The following SHROOM4 variants were observed in gnomAD, a reference collection of about 807,000 sequenced individuals.
The protein encoded by SHROOM4 is protein Shroom4.
SHROOM4 carries 17 observed loss-of-function variants against 80.3 expected under a neutral mutation model. The ratio of observed to expected loss-of-function variants is 0.21; its 90% CI spans 0.14 to 0.32. SHROOM4 has a LOEUF of 0.32. Among genes scored for constraint, SHROOM4 ranks in the 10% least tolerant of loss-of-function variants. SHROOM4 has a pLI of 1.00. For missense variants in SHROOM4, 993 were observed against 1,140.3 expected (o/e 0.87, Z 1.86); for synonymous variants, 400 against 437.5 (o/e 0.91, Z 1.07).
chrX:50,634,481 C>A lies in SHROOM4; in HGVS notation c.1592G>T (p.Gly531Val). ...ELANQQPSAS[G>V]SLVQQATDCS... is the part of the protein sequence containing the mutation. ...GTCCGTGGCTTGTTGAACAAGGGAGCCAGAGGCAGAGGGTTGCTGGTTGGC... is the reference window on the plus strand; with the variant it reads ...GTCCGTGGCTTGTTGAACAAGGGAGACAGAGGCAGAGGGTTGCTGGTTGGC... The change falls in exon 4 of 9, where the codon GGC becomes GTC. Residue 531 changes from glycine to valine, a missense_variant. Transcript: ENST00000376020. 8.3e-7 allele frequency: 1 copy of A among 1,211,514 alleles called. No individual in the cohort carries two copies. The highest frequency in any genetic ancestry group is 1.1e-6 in the Non-Finnish European group (1 of 895,495).
In SHROOM4 at chrX:50,608,002, G is replaced by C. The variant is rs781946911; in HGVS notation, c.3140C>G (p.Ala1047Gly). The C allele has an allele frequency of 4.1e-6, 5 of 1,210,187 alleles. 1 individual carries two copies. The highest frequency in any genetic ancestry group is 4.5e-6 in the Non-Finnish European group (4 of 895,334). Reference protein sequence around the residue: ...TSVYEEGSSLASMPHPLRSRA... With the variant: ...TSVYEEGSSLGSMPHPLRSRA... ...GCTGCGCAGTGGGTGGGGCATGGAGGCAAGGGAGCTCCCCTCCTCATAAAC... is the reference window on the plus strand; with the variant it reads ...GCTGCGCAGTGGGTGGGGCATGGAGCCAAGGGAGCTCCCCTCCTCATAAAC... The change falls in exon 6 of 9, where the codon GCC becomes GGC. Residue 1047 changes from alanine to glycine, a missense_variant. Ala to Gly is a moderately conservative substitution (Grantham distance 60, BLOSUM62 0). Coordinates refer to ENST00000376020, the MANE Select transcript of SHROOM4 (RefSeq NM_020717.5).
At chrX:50,804,777 G>A (rs1377418861) in intron 1 of SHROOM4, among the ~76,000 whole-genome samples, 3 of 111,834 alleles carry the variant, frequency 2.7e-5, no homozygotes, top group Non-Finnish European at 5.6e-5. Flanking sequence ...CTACCTCTCC[G>A]ATCCCACCAT....
Position 50,814,076 on chromosome X carries a change from GC to G in SHROOM4, c.-59del, listed in dbSNP as rs782278599. The G allele has an allele frequency of 5.0e-5, 40 of 797,853 alleles. No homozygotes were observed. In the African/African-American group the frequency reaches 6.7e-4, roughly 13 times the overall value. 65.8% of individuals were successfully genotyped at this position (797,853 alleles called of 1,213,427 possible). ...TTTCCGAGGGGGCTACGTTGCCTCC[GC>G]CCCCAGCAGCTCCGCCACCATCGCC... is the stretch of plus-strand genomic sequence containing the variant. On this transcript the variant is annotated 5_prime_UTR_variant, in exon 1 of 9. An upstream open reading frame in the 5' UTR loses its in-frame stop. Coordinates refer to ENST00000376020, the MANE Select transcript of SHROOM4 (RefSeq NM_020717.5).
chrX:50,685,008 C>T (rs1283234326), intron 2 of SHROOM4, among the ~76,000 whole-genome samples: 1 of 111,785 alleles, frequency 8.9e-6, no homozygotes, highest in Non-Finnish European at 1.9e-5. Flanking sequence ...GACCTCATAA[C>T]TCATGAGATT....
At chrX:50,684,078 G>T (rs1933001948) in intron 2 of SHROOM4, among the ~76,000 whole-genome samples, 1 of 112,228 alleles carries the variant, frequency 8.9e-6, no homozygotes, top group African/African-American at 3.2e-5. Flanking sequence ...AAGTTGTACT[G>T]AGTTGAATGG....
chrX:50,687,151 A>C (rs1399503356), intron 2 of SHROOM4: 1 of 111,381 alleles, frequency 9.0e-6, no homozygotes, highest in Non-Finnish European at 1.9e-5. Context: ...TTTTTGGAGA[A>C]TGCTTTATAC....
chrX:50,632,642 T>G (rs1931119977), intron 4 of SHROOM4, among the ~76,000 whole-genome samples: 1 of 112,262 alleles, frequency 8.9e-6, no homozygotes. Context: ...TGGGGATATT[T>G]GCAAGTTTTG....
chrX:50,637,104 G>A (rs1557256261), intron 3 of SHROOM4, among the ~76,000 whole-genome samples: 1 of 111,714 alleles, frequency 9.0e-6, no homozygotes, highest in African/African-American at 3.3e-5. Context: ...AAGACCAAGG[G>A]AAGGGCTAGG....
intron 7 of SHROOM4, among the ~76,000 whole-genome samples, 174 bp from the exon 8 acceptor site, chrX:50,598,709 C>T (rs1462472551): frequency 2.7e-5 from 3 of 112,171 alleles, no homozygotes; most frequent in Non-Finnish European, 5.6e-5. Context: ...TTTGGGCAAG[C>T]ACCTTCTATC....
chrX:50,762,298 C>T lies in SHROOM4; in HGVS notation c.117+51604G>A, dbSNP rs182303327. On this transcript the variant is annotated intron_variant, in intron 1 of 8. Transcript: ENST00000376020. ...TACCTGATGTCATTGTCTTGCTCCA[C>T]TGCAACTTCCTTCCCTTCAGCCTAC... Among the ~76,000 whole-genome samples, 30 of 112,295 alleles carry T rather than the reference C, an allele frequency of 2.7e-4. No individual in the cohort carries two copies. The Admixed American group carries it at 2.8e-3, about 11-fold the overall frequency.
intron 1 of SHROOM4, among the ~76,000 whole-genome samples, chrX:50,727,004 C>T (rs782536704): frequency 1.2e-4 from 14 of 113,083 alleles, no homozygotes; most frequent in Non-Finnish European, 2.1e-4. Flanking sequence ...GGGGCTGTAC[C>T]CTACAGAGCC....
At chrX:50,633,118 G>A (rs1931137817) in intron 4 of SHROOM4, 60 bp downstream of exon 4, 15 of 1,003,338 alleles carry the variant, frequency 1.5e-5, no homozygotes, top group Middle Eastern at 2.7e-4. Flanking sequence ...AATAATTTAC[G>A]TAGCTTTCCC....
At chrX:50,804,203 A>G (rs1350590866) in intron 1 of SHROOM4, among the ~76,000 whole-genome samples, 2 of 111,695 alleles carry the variant, frequency 1.8e-5, no homozygotes, top group Non-Finnish European at 3.8e-5. Flanking sequence ...CTACTGGACA[A>G]CAGCGCAGGT....
rs1279504283 is a variant in SHROOM4, at chrX:50,723,901, T to C, written c.118-27964A>G. Among the ~76,000 whole-genome samples, 3 of 110,879 alleles carry C rather than the reference T, an allele frequency of 2.7e-5. No individual in the cohort carries two copies. In the East Asian group the frequency reaches 8.5e-4, roughly 32 times the overall value. On this transcript the variant is annotated intron_variant, in intron 1 of 8. Transcript: ENST00000376020. ...TTTTTAGTTATCCCCACCTGCCTAG[T>C]TCCCTTATTAGGTCGAGACATTTTA... is the stretch of plus-strand genomic sequence containing the variant.
rs1445374910 is a variant in SHROOM4 at position 50,592,292 on chromosome X, A to G, written c.*4403T>C. The G allele has an allele frequency of 2.7e-5, 8 of 293,172 alleles. No homozygotes were observed. Among genetic ancestry groups the G allele is most frequent in the Non-Finnish European group, 5.3e-5 (8 of 151,186 alleles). 24.2% of individuals were successfully genotyped at this position (293,172 alleles called of 1,213,427 possible). A position where few individuals can be genotyped will look rare whatever the true frequency, so the allele number is the denominator to read the frequency against. On this transcript the variant is annotated 3_prime_UTR_variant, in exon 9 of 9. Transcript: ENST00000376020. Reference sequence around the variant, plus strand: ...TCTAGTTAAAATTCAGACTGCTATCACTGGGTTTGGGGTGGGCCTGGGATT... The same window carrying G: ...TCTAGTTAAAATTCAGACTGCTATCGCTGGGTTTGGGGTGGGCCTGGGATT...
chrX:50,810,048 T>C (rs1438126641), intron 1 of SHROOM4, among the ~76,000 whole-genome samples: 1 of 111,364 alleles, frequency 9.0e-6, no homozygotes, highest in African/African-American at 3.3e-5. Flanking sequence ...CCAATCATGG[T>C]ACACTGCAGC....
chrX:50,780,384 G>C (rs1335844231), intron 1 of SHROOM4, among the ~76,000 whole-genome samples: 1 of 111,576 alleles, frequency 9.0e-6, no homozygotes, highest in African/African-American at 3.3e-5. Context: ...AGAAACAAAG[G>C]TGAGTTCTAT....
rs1192328152 is a variant in SHROOM4, at chrX:50,621,639, A to G, written c.2957+5975T>C. Among the ~76,000 whole-genome samples the G allele has an allele frequency of 2.7e-5, 3 of 111,959 alleles. No individual in the cohort carries two copies. The East Asian group carries it at 8.4e-4, about 31-fold the overall frequency. On this transcript the variant is annotated intron_variant, in intron 5 of 8. Coordinates refer to ENST00000376020, the MANE Select transcript of SHROOM4 (RefSeq NM_020717.5). ...AGAGTTTTATAATTTTCCTTGAATA[A>G]GTTTCGTGTGCCTGGCGTTAAATTA...
intron 1 of SHROOM4, among the ~76,000 whole-genome samples, chrX:50,744,525 T>C (rs1934735176): frequency 9.0e-6 from 1 of 111,694 alleles, no homozygotes; most frequent in Non-Finnish European, 1.9e-5. Flanking sequence ...TAAAACACAG[T>C]TTTCTTTAGT....
Sources: gnomAD v4.1 joint callset for allele counts (sites outside exome capture counted in the v4.1 genomes callset) on GRCh38, gnomAD v4.1.1 for gene constraint, MANE v1.5 for transcripts, NCBI Gene and HGNC (gene_info 2026-07-23, HGNC 2026-07-21) for gene names.